The following NCOR1 variants were observed in gnomAD, a reference collection of about 807,000 sequenced individuals.
NCOR1 encodes nuclear receptor corepressor 1, also known as protein phosphatase 1, regulatory subunit 109.
Under a neutral mutation model 288.1 loss-of-function variants are expected in NCOR1, and 63 were observed. The observed-to-expected ratio is 0.22, with a 90% CI of 0.18 to 0.27. The LOEUF (loss-of-function observed/expected upper bound fraction) is 0.27, where lower values mean the gene tolerates loss of function less well. Ranked by LOEUF, NCOR1 falls within the 10% of genes least tolerant of loss-of-function variation. The probability of loss-of-function intolerance (pLI) is 1.00; values close to 1 mark genes in which losing one functional copy is unlikely to be tolerated. For missense variants in NCOR1, 2,397 were observed against 3,019.2 expected (o/e 0.79, Z 4.83); for synonymous variants, 1,007 against 1,065.9 (o/e 0.94, Z 1.08).
intron 1 of NCOR1, among the ~76,000 whole-genome samples, chr17:16,200,145 A>G (rs1317883422): frequency 6.6e-6 from 1 of 152,140 alleles, no homozygotes; most frequent in Non-Finnish European, 1.5e-5. Context: ...TGCATAACCA[A>G]AATGTGTTAT....
chr17:16,156,444 A>G (rs1489367687), intron 6 of NCOR1, among the ~76,000 whole-genome samples: 1 of 147,994 alleles, frequency 6.8e-6, no homozygotes, highest in African/African-American at 2.6e-5. Context: ...TCGAAAAAAA[A>G]AAGAAAAGAA....
intron 15 of NCOR1, 107 bp from the exon 16 acceptor site, chr17:16,121,376 A>G (rs934419383): frequency 4.4e-6 from 4 of 901,946 alleles, no homozygotes; most frequent in Non-Finnish European, 6.2e-6. Context: ...AAAACTACCT[A>G]ATCTCTCACT....
intron 3 of NCOR1, among the ~76,000 whole-genome samples, chr17:16,185,189 T>C (rs2086379609): frequency 6.6e-6 from 1 of 151,994 alleles, no homozygotes; most frequent in South Asian, 2.1e-4. Context: ...CAGATAATAA[T>C]ATAGTGCTGT....
At chr17:16,097,190 T>C (rs1252249092) in intron 21 of NCOR1, among the ~76,000 whole-genome samples, 1 of 152,230 alleles carries the variant, frequency 6.6e-6, no homozygotes, top group Non-Finnish European at 1.5e-5. Context: ...CTGGGGCCTC[T>C]AGATTGCCTC....
chr17:16,132,483 C>T (rs1361777703), intron 14 of NCOR1, among the ~76,000 whole-genome samples: 1 of 152,144 alleles, frequency 6.6e-6, no homozygotes. Context: ...TTCCAATCTC[C>T]AATATGTATT....
At chr17:16,137,537 C>T (rs1023776548) in intron 13 of NCOR1, 125 bp from the exon 14 acceptor site, 4 of 524,168 alleles carry the variant, frequency 7.6e-6, no homozygotes, top group Admixed American at 7.5e-5. Context: ...GAACAACATA[C>T]ATTGCTAGCA....
chr17:16,147,374 ACTCCAAC>A (rs2078156156), intron 9 of NCOR1, among the ~76,000 whole-genome samples: 1 of 151,784 alleles, frequency 6.6e-6, no homozygotes, highest in South Asian at 2.1e-4. Flanking sequence ...GCACCACTGC[ACTCCAAC>A]CTGGGCAACA....
chr17:16,051,014 T>C (rs1359757947), intron 40 of NCOR1, among the ~76,000 whole-genome samples: 1 of 152,004 alleles, frequency 6.6e-6, no homozygotes, highest in Non-Finnish European at 1.5e-5. Context: ...ATTTTTTAGT[T>C]TTTTTGTGGA....
intron 8 of NCOR1, chr17:16,151,574 A>T (rs930791080): frequency 7.6e-7 from 1 of 1,318,168 alleles, no homozygotes; most frequent in African/African-American, 1.5e-5. Flanking sequence ...TAAATGAAAA[A>T]GCTTCATTAT....
intron 43 of NCOR1, 61 bp from the exon 44 acceptor site, chr17:16,039,715 G>A: frequency 2.8e-6 from 4 of 1,433,212 alleles, no homozygotes; most frequent in South Asian, 2.5e-5. Flanking sequence ...AAACAAACAT[G>A]CATTGCCCCA....
In NCOR1 at chr17:16,196,312, C is replaced by A. The variant is rs1202212770; in HGVS notation, c.-70-1673G>T. Among the ~76,000 whole-genome samples, 5 of 151,928 alleles carry A rather than the reference C, an allele frequency of 3.3e-5. No individual in the cohort carries two copies. In the East Asian group the frequency reaches 5.8e-4, roughly 18 times the overall value. On this transcript the variant is annotated intron_variant, in intron 1 of 45. Transcript: ENST00000268712. ...ATTTCCCAGTTTTTATCAATATATTCTTTATCCAGTTAGGTTTAAAAAATA... is the reference window on the plus strand; with the variant it reads ...ATTTCCCAGTTTTTATCAATATATTATTTATCCAGTTAGGTTTAAAAAATA...
chr17:16,096,027 C>T (rs1401466955), intron 21 of NCOR1, among the ~76,000 whole-genome samples: 4 of 151,960 alleles, frequency 2.6e-5, no homozygotes, highest in Non-Finnish European at 5.9e-5. Flanking sequence ...ATGACCTTAC[C>T]CCCAACCCTG....
chr17:16,032,539 A>C, intron 45 of NCOR1, 56 bp from the exon 46 acceptor site: 1 of 1,487,806 alleles, frequency 6.7e-7, no homozygotes, highest in Non-Finnish European at 9.0e-7. Flanking sequence ...TATTTCATCC[A>C]ATCCAACTTT....
At chr17:16,058,313 TAAA>T (rs1278801745) in intron 38 of NCOR1, 155 bp downstream of exon 38, 5 of 1,017,730 alleles carry the variant, frequency 4.9e-6, no homozygotes, top group Middle Eastern at 6.5e-4. Flanking sequence ...CATTAAAAAA[TAAA>T]AAAGAATCGA....
At chr17:16,132,758 T>C (rs549155435) in intron 14 of NCOR1, among the ~76,000 whole-genome samples, 28 of 151,852 alleles carry the variant, frequency 1.8e-4, no homozygotes, top group Non-Finnish European at 4.0e-4. Context: ...AATCAAACTT[T>C]GCAAACTTAG....
Position 16,030,311 on chromosome 17 carries a change from G to A in NCOR1, c.*1985C>T, listed in dbSNP as rs2151713051. ...TCTTGCTATCTTGGGTGGCAGAGGTGGAAGAAAATCCATGTATAAGTGGAC... is the reference window on the plus strand; with the variant it reads ...TCTTGCTATCTTGGGTGGCAGAGGTAGAAGAAAATCCATGTATAAGTGGAC... On this transcript the variant is annotated 3_prime_UTR_variant, in exon 46 of 46. Coordinates refer to ENST00000268712, the MANE Select transcript of NCOR1 (RefSeq NM_006311.4). The A allele has an allele frequency of 4.5e-6, 1 of 224,718 alleles. No homozygotes were observed. Among genetic ancestry groups the A allele is most frequent in the Middle Eastern group, 1.4e-3 (1 of 712 alleles). 13.9% of individuals were successfully genotyped at this position (224,718 alleles called of 1,614,324 possible). A position where few individuals can be genotyped will look rare whatever the true frequency, so the allele number is the denominator to read the frequency against.
At chr17:16,069,984 T>C (rs905187757) in intron 31 of NCOR1, among the ~76,000 whole-genome samples, 181 bp downstream of exon 31, 2 of 152,190 alleles carry the variant, frequency 1.3e-5, no homozygotes, top group Non-Finnish European at 2.9e-5. Flanking sequence ...TATCAGGTAT[T>C]TTACTTAAAT....
In NCOR1 at chr17:16,133,249, G is replaced by A. The variant is rs146097332; in HGVS notation, c.1509+4062C>T. ...CTCCCAAAGTGTTGAGATCACAAGC[G>A]TGAGCCATCGCACCCAGCCACACAC... On this transcript the variant is annotated intron_variant, in intron 14 of 45. Coordinates refer to ENST00000268712, the MANE Select transcript of NCOR1 (RefSeq NM_006311.4). Among the ~76,000 whole-genome samples, 19 of 152,278 alleles carry A rather than the reference G, an allele frequency of 1.2e-4. No homozygotes were observed. The East Asian group carries it at 2.3e-3, about 19-fold the overall frequency.
At chr17:16,165,473 G>A (rs925156365) in intron 4 of NCOR1, among the ~76,000 whole-genome samples, 5 of 152,162 alleles carry the variant, frequency 3.3e-5, no homozygotes, top group African/African-American at 4.8e-5. Flanking sequence ...TCATGACAAA[G>A]GAAGATACCA....
Sources: allele counts gnomAD v4.1 joint callset (sites outside exome capture counted in the v4.1 genomes callset), GRCh38; gene constraint gnomAD v4.1.1; transcripts MANE v1.5; gene names NCBI Gene and HGNC (gene_info 2026-07-23, HGNC 2026-07-21).